Variants in CREB5 observed in about 807,000 individuals in gnomAD.
CREB5 encodes the protein cyclic AMP-responsive element-binding protein 5.
In CREB5, 19 loss-of-function variants were observed where a neutral mutation model predicts 57.1. The ratio of observed to expected loss-of-function variants is 0.33; its 90% CI spans 0.23 to 0.49. The LOEUF is 0.49. Among genes scored for constraint, CREB5 ranks in the 20% least tolerant of loss-of-function variants. The pLI is 0.99. For missense variants in CREB5, 579 were observed against 671.6 expected, an observed-to-expected ratio of 0.86 and a Z score of 1.52; for synonymous variants, 238 against 238.3, an observed-to-expected ratio of 1.00 and a Z score of 0.01.
At chr7:28,617,605 G>C (rs907542233) in intron 5 of CREB5, among the ~76,000 whole-genome samples, 1 of 152,152 alleles carries the variant, frequency 6.6e-6, no homozygotes, top group Non-Finnish European at 1.5e-5. Flanking sequence ...AGAGCAATGG[G>C]GGCTTCCCTT....
At chr7:28,408,604 C>T (rs1787641843), upstream of CREB5, among the ~76,000 whole-genome samples, 1 of 152,158 alleles carries the variant, frequency 6.6e-6, no homozygotes, top group Non-Finnish European at 1.5e-5. Flanking sequence ...GTGTCTAAAT[C>T]AGGCTCATCA....
intron 1 of CREB5, among the ~76,000 whole-genome samples, chr7:28,373,648 A>C (rs897366625): frequency 1.3e-5 from 2 of 151,014 alleles, no homozygotes; most frequent in African/African-American, 2.4e-5. Flanking sequence ...CTGGTCTCCA[A>C]CTCCTGGGCT....
At chr7:28,423,321 G>T (rs1788353820) in intron 1 of CREB5, among the ~76,000 whole-genome samples, 1 of 152,080 alleles carries the variant, frequency 6.6e-6, no homozygotes, top group African/African-American at 2.4e-5. Flanking sequence ...GGGTACCAGG[G>T]ATACATGATC....
chr7:28,821,946 A>G lies in CREB5; in HGVS notation c.*2667A>G, dbSNP rs1019907010. 1.4e-4 allele frequency: 21 copies of G among 152,694 alleles called. No homozygotes were observed. Among genetic ancestry groups the G allele is most frequent in the African/African-American group, 5.1e-4 (21 of 41,478 alleles). 9.5% of individuals were successfully genotyped at this position (152,694 alleles called of 1,614,324 possible). Reference sequence around the variant, plus strand: ...TGTCCAGGGAGTGACTGTCACTACAATGATGGTTTAGTTTACTTCTGTTCC... The same window carrying G: ...TGTCCAGGGAGTGACTGTCACTACAGTGATGGTTTAGTTTACTTCTGTTCC... On this transcript the variant is annotated 3_prime_UTR_variant, in exon 11 of 11. Coordinates refer to ENST00000357727, the MANE Select transcript of CREB5 (RefSeq NM_182898.4).
At chr7:28,530,534 C>T (rs1390416940) in intron 4 of CREB5, among the ~76,000 whole-genome samples, 1 of 152,164 alleles carries the variant, frequency 6.6e-6, no homozygotes, top group Admixed American at 6.5e-5. Context: ...GGGAAACAAG[C>T]CATTAGTCAG....
chr7:28,415,289 A>G (rs374637525), intron 1 of CREB5, among the ~76,000 whole-genome samples: 15 of 152,008 alleles, frequency 9.9e-5, no homozygotes, highest in African/African-American at 2.9e-4. Context: ...CCAATTTTTC[A>G]TTTTACAGAA....
At position 28,531,564 on chromosome 7, in the gene CREB5, T is replaced by C. The variant is rs79751348; in HGVS notation, c.291+23827T>C. On this transcript the variant is annotated intron_variant, in intron 4 of 10. Coordinates refer to ENST00000357727, the MANE Select transcript of CREB5 (RefSeq NM_182898.4). ...ACTAATTACATCTGTGATGACCCTGTTGCCAAACAAGGTCACATTCTGAGG... is the reference window on the plus strand; with the variant it reads ...ACTAATTACATCTGTGATGACCCTGCTGCCAAACAAGGTCACATTCTGAGG... Among the ~76,000 whole-genome samples, 915 of 152,304 alleles carry C rather than the reference T, an allele frequency of 6.0e-3. 13 individuals are homozygous for C. The highest frequency in any genetic ancestry group is 0.021 in the African/African-American group (866 of 41,570).
At chr7:28,729,286 A>G (rs746684854) in intron 7 of CREB5, among the ~76,000 whole-genome samples, 4 of 152,134 alleles carry the variant, frequency 2.6e-5, no homozygotes, top group African/African-American at 4.8e-5. Flanking sequence ...CTGGACCCTG[A>G]GCTTGGGCCT....
intron 7 of CREB5, among the ~76,000 whole-genome samples, chr7:28,792,963 G>C (rs1194419889): frequency 1.3e-5 from 2 of 152,212 alleles, no homozygotes; most frequent in Non-Finnish European, 2.9e-5. Context: ...TCTTTAGCAG[G>C]ATGGTAGAAC....
rs191769731 is a variant in CREB5, at chr7:28,815,157, C to T, written c.1255-2914C>T. On this transcript the variant is annotated intron_variant, in intron 9 of 10. Transcript: ENST00000357727. Reference sequence around the variant, plus strand: ...GCATTGTGGCACATGTCTCTAGTCCCTGCTACTCAGAAGGCTGAGGTGGGA... The same window carrying T: ...GCATTGTGGCACATGTCTCTAGTCCTTGCTACTCAGAAGGCTGAGGTGGGA... Among the ~76,000 whole-genome samples, 5 of 152,238 alleles carry T rather than the reference C, an allele frequency of 3.3e-5. No homozygotes were observed. The East Asian group carries it at 9.7e-4, about 29-fold the overall frequency.
At chr7:28,514,999 A>G (rs1484159942) in intron 4 of CREB5, among the ~76,000 whole-genome samples, 1 of 152,164 alleles carries the variant, frequency 6.6e-6, no homozygotes, top group Non-Finnish European at 1.5e-5. Flanking sequence ...ATTGCAGAGT[A>G]AAATAGTGTT....
chr7:28,654,081 T>C (rs1226607364), intron 5 of CREB5, among the ~76,000 whole-genome samples: 1 of 152,178 alleles, frequency 6.6e-6, no homozygotes, highest in African/African-American at 2.4e-5. Flanking sequence ...CCAATATACA[T>C]TACACCTGTG....
intron 7 of CREB5, among the ~76,000 whole-genome samples, chr7:28,783,846 T>G (rs1807140842): frequency 6.6e-6 from 1 of 152,188 alleles, no homozygotes; most frequent in African/African-American, 2.4e-5. Flanking sequence ...TTGATAAACT[T>G]CTCATAGATT....
intron 5 of CREB5, chr7:28,615,596 T>G (rs1425856877): frequency 6.6e-6 from 1 of 152,390 alleles, no homozygotes; most frequent in Non-Finnish European, 1.5e-5. Flanking sequence ...GTCTGCTGGC[T>G]GGCACAGGTC....
At chr7:28,650,771 G>A (rs1028637876) in intron 5 of CREB5, among the ~76,000 whole-genome samples, 1 of 152,116 alleles carries the variant, frequency 6.6e-6, no homozygotes, top group African/African-American at 2.4e-5. Context: ...CATCTGTAGT[G>A]GTAGCAGATG....
At chr7:28,466,072 C>A (rs1790550808) in intron 1 of CREB5, among the ~76,000 whole-genome samples, 1 of 151,966 alleles carries the variant, frequency 6.6e-6, no homozygotes, top group Non-Finnish European at 1.5e-5. Context: ...TAAAAACAGA[C>A]CTGAAGGGCA....
Position 28,645,291 on chromosome 7 carries a change from A to G in CREB5, c.465-73462A>G, listed in dbSNP as rs540611545. ...TACCTTTGAATCTTCATGAGGGAGAAGATTTCAGACTGGAAATGTAATCTC... is the reference window on the plus strand; with the variant it reads ...TACCTTTGAATCTTCATGAGGGAGAGGATTTCAGACTGGAAATGTAATCTC... On this transcript the variant is annotated intron_variant, in intron 5 of 10. Transcript: ENST00000357727. Among the ~76,000 whole-genome samples, 10 of 152,352 alleles carry G rather than the reference A, an allele frequency of 6.6e-5. No individual in the cohort carries two copies. In the South Asian group the frequency reaches 1.7e-3, roughly 25 times the overall value.
intron 9 of CREB5, among the ~76,000 whole-genome samples, chr7:28,814,551 G>A (rs1809309571): frequency 6.6e-6 from 1 of 152,174 alleles, no homozygotes; most frequent in Admixed American, 6.5e-5. Flanking sequence ...GCATATTTGA[G>A]CATATTGAAA....
intron 1 of CREB5, among the ~76,000 whole-genome samples, chr7:28,484,748 C>T (rs1301127431): frequency 6.6e-6 from 1 of 152,154 alleles, no homozygotes; most frequent in East Asian, 1.9e-4. Flanking sequence ...TGACTAAACT[C>T]TAAGTGATTT....
Sources: gnomAD v4.1 joint callset for allele counts (sites outside exome capture counted in the v4.1 genomes callset) on GRCh38, gnomAD v4.1.1 for gene constraint, MANE v1.5 for transcripts, NCBI Gene and HGNC (gene_info 2026-07-23, HGNC 2026-07-21) for gene names.